Variants in MYO1D observed in about 807,000 individuals in gnomAD.
MYO1D encodes unconventional myosin-Id.
A neutral mutation model predicts 122.0 loss-of-function variants in MYO1D; 83 were observed. The observed-to-expected ratio is 0.68, with a 90% confidence interval of 0.57 to 0.82. The LOEUF is 0.82. Ranked by LOEUF, MYO1D falls within the 40% of genes least tolerant of loss-of-function variation. The pLI is 0.00. For synonymous variants in MYO1D, 464 were observed against 446.9 expected (o/e 1.04, Z -0.48); for missense variants, 1,157 against 1,269.5 (o/e 0.91, Z 1.35).
intron 21 of MYO1D, among the ~76,000 whole-genome samples, chr17:32,549,965 A>G (rs2086997141): frequency 6.6e-6 from 1 of 152,210 alleles, no homozygotes; most frequent in Admixed American, 6.5e-5. Context: ...AGTTCTATGG[A>G]ATGTGCCTAA....
chr17:32,812,523 C>T (rs574920719), intron 1 of MYO1D, among the ~76,000 whole-genome samples: 1 of 152,154 alleles, frequency 6.6e-6, no homozygotes, highest in Non-Finnish European at 1.5e-5. Flanking sequence ...ATGCTCTTAA[C>T]TCTTTATGTT....
At position 32,780,664 on chromosome 17, in the gene MYO1D, A is replaced by G. The variant is rs774570190; in HGVS notation, c.216T>C (p.Tyr72=). 2.7e-5 allele frequency: 43 copies of G among 1,614,136 alleles called. No homozygotes were observed. Among genetic ancestry groups the G allele is most frequent in the Non-Finnish European group, 3.6e-5 (42 of 1,180,026 alleles). ...TAGCAAAAAGGTGAGGCGGTCTCTC[A>G]TACAGCTCACGGCCTTTATACTGCT... ...TIEQYKGREL[Y]ERPPHLFAIA... The change falls in exon 2 of 22, where the codon TAT becomes TAC. Residue 72 remains tyrosine, a synonymous_variant. Transcript: ENST00000318217.
chr17:32,551,148 TA>T (rs1312087925), intron 21 of MYO1D, among the ~76,000 whole-genome samples: 5 of 152,158 alleles, frequency 3.3e-5, no homozygotes, highest in African/African-American at 1.2e-4. Context: ...TGGTAGCTGA[TA>T]ATGAATGACT....
intron 1 of MYO1D, among the ~76,000 whole-genome samples, chr17:32,874,721 A>C (rs533600781): frequency 1.4e-4 from 22 of 152,244 alleles, no homozygotes; most frequent in Non-Finnish European, 8.8e-5. Context: ...CCAGGAATTC[A>C]AGAACAGTCT....
chr17:32,688,237 T>G (rs2089045894), intron 16 of MYO1D, among the ~76,000 whole-genome samples: 1 of 152,164 alleles, frequency 6.6e-6, no homozygotes, highest in African/African-American at 2.4e-5. Context: ...AACTCCTACT[T>G]GTAAAATGAT....
chr17:32,609,541 T>C lies in MYO1D; in HGVS notation c.2710-4300A>G, dbSNP rs543360809. Reference sequence around the variant, plus strand: ...TAGTTCCATGCCTATGTTTTACAGATAGAAATTGAGACTGAAGGAGTTCAG... The same window carrying C: ...TAGTTCCATGCCTATGTTTTACAGACAGAAATTGAGACTGAAGGAGTTCAG... On this transcript the variant is annotated intron_variant, in intron 20 of 21. Transcript: ENST00000318217. Among the ~76,000 whole-genome samples the C allele has an allele frequency of 1.1e-4, 17 of 152,300 alleles. 1 individual carries two copies. In the South Asian group the frequency reaches 3.5e-3, roughly 32 times the overall value.
rs1182063726 is a variant in MYO1D, at chr17:32,764,960, C to T, written c.953G>A (p.Arg318Gln). 5.0e-6 allele frequency: 8 copies of T among 1,614,056 alleles called. No homozygotes were observed. Among genetic ancestry groups the T allele is most frequent in the Admixed American group, 1.7e-5 (1 of 59,996 alleles). Reference sequence around the variant, plus strand: ...GATGTCACGGCCTGTGGCCACAGTCCGGTAAAGAAGGGCTTTCTCAACCAT... The same window carrying T: ...GATGTCACGGCCTGTGGCCACAGTCTGGTAAAGAAGGGCTTTCTCAACCAT... ...TDMVEKALLY[R>Q]TVATGRDIID... Residue 318 changes from arginine (R) to glutamine (Q), a missense_variant, in exon 8 of 22, where the codon CGG (arginine) becomes CAG (glutamine). Physicochemically the swap from Arg to Gln is conservative, Grantham distance 43. Coordinates refer to ENST00000318217, the MANE Select transcript of MYO1D (RefSeq NM_015194.3).
intron 1 of MYO1D, among the ~76,000 whole-genome samples, chr17:32,860,780 G>A (rs2091065602): frequency 6.6e-6 from 1 of 152,180 alleles, no homozygotes; most frequent in African/African-American, 2.4e-5. Flanking sequence ...GACTTTCTGT[G>A]TTTCTAACTT....
chr17:32,625,568 T>A (rs1214185455), intron 20 of MYO1D, among the ~76,000 whole-genome samples: 1 of 151,804 alleles, frequency 6.6e-6, no homozygotes, highest in South Asian at 2.1e-4. Context: ...TTTTTTTTTT[T>A]AAATAGGGTC....
chr17:32,730,877 G>A (rs1476027698), intron 14 of MYO1D, among the ~76,000 whole-genome samples: 1 of 143,116 alleles, frequency 7.0e-6, no homozygotes, highest in African/African-American at 2.6e-5. Context: ...ATACATGTTT[G>A]ACCACTTTAT....
At chr17:32,624,885 G>T (rs1262466299) in intron 20 of MYO1D, among the ~76,000 whole-genome samples, 2 of 151,716 alleles carry the variant, frequency 1.3e-5, no homozygotes, top group Non-Finnish European at 2.9e-5. Context: ...CCGCCTCCCG[G>T]GTTCAAGCGA....
At chr17:32,800,175 CACT>C (rs1159701830) in intron 1 of MYO1D, among the ~76,000 whole-genome samples, 1 of 152,108 alleles carries the variant, frequency 6.6e-6, no homozygotes, top group East Asian at 1.9e-4. Context: ...CCAGCAATCC[CACT>C]ACTGGATATA....
chr17:32,869,218 CA>C (rs565095358), intron 1 of MYO1D, among the ~76,000 whole-genome samples: 7,516 of 138,468 alleles, frequency 0.054, 571 homozygotes, highest in African/African-American at 0.18. Context: ...GGCCCTGTCT[CA>C]AAAAAAAAAA....
chr17:32,667,657 T>C (rs751963792), intron 16 of MYO1D, among the ~76,000 whole-genome samples: 4 of 152,204 alleles, frequency 2.6e-5, no homozygotes, highest in Non-Finnish European at 5.9e-5. Flanking sequence ...GGTGGTGGTA[T>C]TGGTATGTGC....
At chr17:32,831,051 G>A (rs551706256) in intron 1 of MYO1D, among the ~76,000 whole-genome samples, 7 of 152,060 alleles carry the variant, frequency 4.6e-5, no homozygotes, top group Non-Finnish European at 7.4e-5. Flanking sequence ...GCAAGACTCC[G>A]TCTCGAATAA....
Position 32,659,341 on chromosome 17 carries a change from T to G in MYO1D, c.2122-3A>C. ...CGGGCCAGGGTGCCCCGCCACACCT[T>G]CACAATAGAGAAAGAAAAAGGAAAA... On this transcript the variant is annotated splice_region_variant and splice_polypyrimidine_tract_variant and intron_variant, in intron 16 of 21. Coordinates refer to ENST00000318217, the MANE Select transcript of MYO1D (RefSeq NM_015194.3). 2 of 1,613,778 alleles carry G rather than the reference T, an allele frequency of 1.2e-6. No individual in the cohort carries two copies. Among genetic ancestry groups the G allele is most frequent in the South Asian group, 2.2e-5 (2 of 91,038 alleles).
chr17:32,834,488 A>T (rs1007000938), intron 1 of MYO1D, among the ~76,000 whole-genome samples: 18 of 152,190 alleles, frequency 1.2e-4, no homozygotes, highest in African/African-American at 4.3e-4. Flanking sequence ...CTCACCTTCC[A>T]AAACAATTAC....
chr17:32,547,192 C>G (rs1320538841), intron 21 of MYO1D, among the ~76,000 whole-genome samples: 1 of 152,138 alleles, frequency 6.6e-6, no homozygotes, highest in African/African-American at 2.4e-5. Flanking sequence ...CAGGTGTGGG[C>G]CATTGTGCCG....
At chr17:32,838,541 A>G (rs1362838189) in intron 1 of MYO1D, among the ~76,000 whole-genome samples, 2 of 152,286 alleles carry the variant, frequency 1.3e-5, no homozygotes, top group Non-Finnish European at 2.9e-5. Flanking sequence ...AGATGGAGAC[A>G]AGTAAACAGA....
Sources: gnomAD v4.1 joint callset for allele counts (sites outside exome capture counted in the v4.1 genomes callset) on GRCh38, gnomAD v4.1.1 for gene constraint, MANE v1.5 for transcripts, NCBI Gene and HGNC (gene_info 2026-07-23, HGNC 2026-07-21) for gene names.